Variants in ARMH4 observed in about 807,000 individuals in gnomAD.
The protein encoded by ARMH4 is armadillo-like helical domain-containing protein 4.
ARMH4 carries 49 observed loss-of-function variants against 61.9 expected under a neutral mutation model. The ratio of observed to expected loss-of-function variants is 0.79; its 90% CI spans 0.63 to 1.00. ARMH4 has a LOEUF of 1.00. ARMH4 is among the 50% of genes least tolerant of loss of function. The pLI is 0.00. For synonymous variants in ARMH4, 368 were observed against 341.5 expected, an observed-to-expected ratio of 1.08 and a Z score of -0.85; for missense variants, 934 against 930.0, an observed-to-expected ratio of 1.00 and a Z score of -0.06.
chr14:58,044,092 T>C (rs1883833225), intron 5 of ARMH4, among the ~76,000 whole-genome samples: 1 of 152,174 alleles, frequency 6.6e-6, no homozygotes, highest in Non-Finnish European at 1.5e-5. Flanking sequence ...AATGACTTTC[T>C]TCACAGAATT....
chr14:58,020,320 G>T (rs1882776153), intron 5 of ARMH4, among the ~76,000 whole-genome samples: 1 of 152,128 alleles, frequency 6.6e-6, no homozygotes, highest in African/African-American at 2.4e-5. Flanking sequence ...TACTCAAGCT[G>T]GGAGGCAGCG....
At chr14:58,093,127 G>A (rs566972063) in intron 5 of ARMH4, among the ~76,000 whole-genome samples, 6 of 152,242 alleles carry the variant, frequency 3.9e-5, no homozygotes, top group Non-Finnish European at 7.4e-5. Flanking sequence ...ACCACCAGGT[G>A]AGGAAAGACA....
At position 58,152,134 on chromosome 14, in the gene ARMH4, G is replaced by C. The variant is rs974905247; in HGVS notation, c.-116C>G. 3.7e-5 allele frequency: 6 copies of C among 161,332 alleles called. No individual in the cohort carries two copies. The highest frequency in any genetic ancestry group is 9.6e-5 in the African/African-American group (4 of 41,540). 10.0% of individuals were successfully genotyped at this position (161,332 alleles called of 1,614,324 possible). A position where few individuals can be genotyped will look rare whatever the true frequency, so the allele number is the denominator to read the frequency against. On this transcript the variant is annotated 5_prime_UTR_variant, in exon 1 of 8. Coordinates refer to ENST00000267485, the MANE Select transcript of ARMH4 (RefSeq NM_001001872.4). Reference sequence around the variant, plus strand: ...AGAGGCAGCGGCGGCGCGGGCGCTCGGCATCCCAGCGGCGGGCCCTGCGGC... The same window carrying C: ...AGAGGCAGCGGCGGCGCGGGCGCTCCGCATCCCAGCGGCGGGCCCTGCGGC...
chr14:58,106,986 T>G (rs938882358), intron 4 of ARMH4, among the ~76,000 whole-genome samples: 1 of 152,136 alleles, frequency 6.6e-6, no homozygotes, highest in African/African-American at 2.4e-5. Flanking sequence ...ATGGGTTAAC[T>G]CTCAACAAAA....
At chr14:58,047,677 A>T (rs1020689294) in intron 5 of ARMH4, among the ~76,000 whole-genome samples, 1 of 152,196 alleles carries the variant, frequency 6.6e-6, no homozygotes, top group African/African-American at 2.4e-5. Flanking sequence ...GGTAGTCACA[A>T]TCCAAAATTA....
intron 4 of ARMH4, among the ~76,000 whole-genome samples, chr14:58,125,793 T>C (rs757633310): frequency 1.3e-4 from 20 of 152,134 alleles, no homozygotes; most frequent in Non-Finnish European, 2.2e-4. Flanking sequence ...CAACAGCACT[T>C]GGGTTTTCCT....
chr14:58,091,231 A>C (rs2141255988), intron 5 of ARMH4, among the ~76,000 whole-genome samples: 1 of 152,288 alleles, frequency 6.6e-6, no homozygotes, highest in East Asian at 1.9e-4. Context: ...AAAGGAAAGA[A>C]AGAAGCACAG....
chr14:58,011,532 A>T (rs1032662738), intron 6 of ARMH4, among the ~76,000 whole-genome samples: 2 of 152,182 alleles, frequency 1.3e-5, no homozygotes, highest in African/African-American at 4.8e-5. Context: ...TGAGTAATTC[A>T]GTTTAAAATT....
chr14:58,008,355 C>A (rs1489590586), intron 6 of ARMH4, among the ~76,000 whole-genome samples: 1 of 152,176 alleles, frequency 6.6e-6, no homozygotes, highest in Non-Finnish European at 1.5e-5. Context: ...TTGCACCATT[C>A]TTACTCTTGT....
chr14:58,113,911 C>G (rs1886432033), intron 4 of ARMH4, among the ~76,000 whole-genome samples: 1 of 151,944 alleles, frequency 6.6e-6, no homozygotes, highest in Admixed American at 6.6e-5. Context: ...ATTACCTCCT[C>G]ATTTTTGTGA....
At chr14:58,079,484 G>A (rs557116704) in intron 5 of ARMH4, among the ~76,000 whole-genome samples, 1 of 152,280 alleles carries the variant, frequency 6.6e-6, no homozygotes, top group Admixed American at 6.5e-5. Flanking sequence ...CTGCCCCCAT[G>A]ATTTAATTAC....
Position 58,079,094 on chromosome 14 carries a change from T to C in ARMH4, c.2089+17630A>G, listed in dbSNP as rs546509427. Reference sequence around the variant, plus strand: ...ACCCTTTTGACCTGTGGCACACCCTTAGGCTTCCTTAACTGTAAATGAGGA... The same window carrying C: ...ACCCTTTTGACCTGTGGCACACCCTCAGGCTTCCTTAACTGTAAATGAGGA... On this transcript the variant is annotated intron_variant, in intron 5 of 7. Coordinates refer to ENST00000267485, the MANE Select transcript of ARMH4 (RefSeq NM_001001872.4). 3.3e-5 allele frequency among the ~76,000 whole-genome samples: 5 copies of C among 152,326 alleles called. No homozygotes were observed. The South Asian group carries it at 1.0e-3, about 32-fold the overall frequency.
chr14:58,005,430 A>C (rs1594682455), intron 6 of ARMH4, among the ~76,000 whole-genome samples: 1 of 152,186 alleles, frequency 6.6e-6, no homozygotes, highest in South Asian at 2.1e-4. Flanking sequence ...ACCTAGTGGC[A>C]CCTCCAGCCA....
intron 5 of ARMH4, among the ~76,000 whole-genome samples, chr14:58,053,006 C>T (rs1435055263): frequency 6.6e-6 from 1 of 152,162 alleles, no homozygotes; most frequent in Non-Finnish European, 1.5e-5. Flanking sequence ...CCTTCCCTCG[C>T]TCTCAAGATC....
In ARMH4 at chr14:58,073,486, T is replaced by C. The variant is rs556118624; in HGVS notation, c.2089+23238A>G. ...ACCTATTCTGGTGTGGGCACATTCA[T>C]GTTCACTGACTTTGAGTTCTAAAGT... On this transcript the variant is annotated intron_variant, in intron 5 of 7. Coordinates refer to ENST00000267485, the MANE Select transcript of ARMH4 (RefSeq NM_001001872.4). 2.0e-5 allele frequency among the ~76,000 whole-genome samples: 3 copies of C among 152,234 alleles called. No homozygotes were observed. In the South Asian group the frequency reaches 6.2e-4, roughly 31 times the overall value.
At chr14:58,080,230 A>AGTGAT (rs1274003938) in intron 5 of ARMH4, among the ~76,000 whole-genome samples, 2 of 151,934 alleles carry the variant, frequency 1.3e-5, no homozygotes, top group Admixed American at 6.6e-5. Flanking sequence ...CCTGGGTTCA[A>AGTGAT]GTGATTCTCC....
chr14:58,004,615 G>A lies in ARMH4; in HGVS notation c.*121C>T. On this transcript the variant is annotated 3_prime_UTR_variant, in exon 8 of 8. Coordinates refer to ENST00000267485, the MANE Select transcript of ARMH4 (RefSeq NM_001001872.4). Reference sequence around the variant, plus strand: ...AAAATCTACTACCCAGCACCCAGCAGACACTAGGACTAACGGCCTGATAGC... The same window carrying A: ...AAAATCTACTACCCAGCACCCAGCAAACACTAGGACTAACGGCCTGATAGC... 1 of 795,574 alleles carries A rather than the reference G, an allele frequency of 1.3e-6. No homozygotes were observed. The highest frequency in any genetic ancestry group is 2.1e-6 in the Non-Finnish European group (1 of 476,646). 49.3% of individuals were successfully genotyped at this position (795,574 alleles called of 1,614,324 possible). A position where few individuals can be genotyped will look rare whatever the true frequency, so the allele number is the denominator to read the frequency against.
At position 58,133,212 on chromosome 14, in the gene ARMH4, T is replaced by G. The variant is rs1279340825; in HGVS notation, c.1499A>C (p.Asp500Ala). Residue 500 changes from aspartate (D) to alanine (A), a missense_variant, in exon 3 of 8, where the codon GAC becomes GCC. Asp to Ala is a moderately radical substitution (Grantham distance 126). Transcript: ENST00000267485. ...AGGAACGTCAGACACAGGAGAGGGG[T>G]CCTCCTTTTCTTCCTCAGTCTTGCC... ...DSGKTEEEKEDPSPVSDVPGV... is the reference protein window; with the variant it reads ...DSGKTEEEKEAPSPVSDVPGV... The G allele has an allele frequency of 1.9e-6, 3 of 1,613,654 alleles. No individual in the cohort carries two copies. The East Asian group carries it at 6.7e-5, about 36-fold the overall frequency.
At chr14:58,027,949 G>C (rs1243732387) in intron 5 of ARMH4, among the ~76,000 whole-genome samples, 2 of 152,106 alleles carry the variant, frequency 1.3e-5, no homozygotes, top group Non-Finnish European at 2.9e-5. Context: ...TTGATCCTTA[G>C]GAAAAAACCT....
Sources: gnomAD v4.1 joint callset for allele counts (sites outside exome capture counted in the v4.1 genomes callset) on GRCh38, gnomAD v4.1.1 for gene constraint, MANE v1.5 for transcripts, NCBI Gene and HGNC (gene_info 2026-07-23, HGNC 2026-07-21) for gene names.